The following LOC400499 variants were observed in gnomAD, a reference collection of about 807,000 sequenced individuals.
chr16:11,417,982 G>A, the LOC400499 span: 6 of 396,986 alleles, frequency 1.5e-5, no homozygotes, highest in Admixed American at 4.4e-5. Context: ...CCTCTTGAAG[G>A]AGCAGGTTTG....
the LOC400499 span, among the ~76,000 whole-genome samples, chr16:11,509,583 C>T: frequency 6.6e-6 from 1 of 151,706 alleles, no homozygotes; most frequent in Non-Finnish European, 1.5e-5. Context: ...GTAATCCCAG[C>T]ACTTTGGGAG....
the LOC400499 span, chr16:11,450,577 C>T: frequency 7.8e-6 from 12 of 1,530,196 alleles, no homozygotes; most frequent in Middle Eastern, 3.7e-4. Flanking sequence ...GGCAGGGGAC[C>T]AGACATATAT....
the LOC400499 span, chr16:11,396,820 C>G: frequency 1.6e-6 from 1 of 628,100 alleles, no homozygotes; most frequent in Non-Finnish European, 2.3e-6. Flanking sequence ...CTAAGAAACG[C>G]AAATCAGATG....
At chr16:11,460,760 G>T in the LOC400499 span, 28 of 1,296,238 alleles carry the variant, frequency 2.2e-5, no homozygotes, top group Admixed American at 2.8e-5. Flanking sequence ...CTGTCGATGG[G>T]GAGGTGTTAA....
chr16:11,432,568 C>G, the LOC400499 span, among the ~76,000 whole-genome samples: 1 of 152,058 alleles, frequency 6.6e-6, no homozygotes, highest in Non-Finnish European at 1.5e-5. Flanking sequence ...GTTCCTACTC[C>G]AGGGTCATAA....
chr16:11,477,272 G>A, the LOC400499 span, among the ~76,000 whole-genome samples: 1 of 152,216 alleles, frequency 6.6e-6, no homozygotes, highest in Non-Finnish European at 1.5e-5. Context: ...ACCCAGCCTA[G>A]GGCATCTGCA....
At chr16:11,450,141 C>G in the LOC400499 span, among the ~76,000 whole-genome samples, 3 of 152,242 alleles carry the variant, frequency 2.0e-5, no homozygotes, top group Admixed American at 6.5e-5. Flanking sequence ...ATCACCCAGA[C>G]AGTCCACCCA....
chr16:11,519,147 G>A, the LOC400499 span, among the ~76,000 whole-genome samples: 1 of 152,174 alleles, frequency 6.6e-6, no homozygotes, highest in East Asian at 1.9e-4. Context: ...AAGGCCGAAT[G>A]TCTCACTGAA....
At chr16:11,424,398 C>T in the LOC400499 span, 6 of 399,094 alleles carry the variant, frequency 1.5e-5, no homozygotes, top group Admixed American at 8.8e-5. Flanking sequence ...GACCACTCAC[C>T]CCAGTCCACC....
At chr16:11,412,370 G>A in the LOC400499 span, among the ~76,000 whole-genome samples, 1 of 152,192 alleles carries the variant, frequency 6.6e-6, no homozygotes, top group Admixed American at 6.5e-5. Context: ...GTAGCAACCA[G>A]AAATTCCCCA....
the LOC400499 span, among the ~76,000 whole-genome samples, chr16:11,500,525 A>ATAATAT: frequency 1.3e-5 from 2 of 150,396 alleles, no homozygotes; most frequent in African/African-American, 4.9e-5. Context: ...AATAATAATA[A>ATAATAT]TAATAATAAT....
chr16:11,417,952 G>A, the LOC400499 span: 1 of 397,578 alleles, frequency 2.5e-6, no homozygotes, highest in Non-Finnish European at 4.4e-6. Flanking sequence ...CCACGTCGCT[G>A]TGATGGGAGG....
chr16:11,473,178 AAATC>A, the LOC400499 span: 1 of 151,688 alleles, frequency 6.6e-6, no homozygotes, highest in African/African-American at 2.4e-5. Context: ...ATTAGAAAGA[AAATC>A]AGAAAGCTCA....
At chr16:11,480,964 G>C in the LOC400499 span, among the ~76,000 whole-genome samples, 10 of 152,248 alleles carry the variant, frequency 6.6e-5, no homozygotes, top group Non-Finnish European at 1.3e-4. Context: ...GTCCATCAGT[G>C]AATGAATGGA....
chr16:11,495,490 C>A, the LOC400499 span, among the ~76,000 whole-genome samples: 1 of 152,138 alleles, frequency 6.6e-6, no homozygotes, highest in African/African-American at 2.4e-5. Flanking sequence ...ATGTGATTCC[C>A]CTGCCTCAGC....
At chr16:11,527,528 G>A in the LOC400499 span, among the ~76,000 whole-genome samples, 2 of 152,126 alleles carry the variant, frequency 1.3e-5, no homozygotes, top group Non-Finnish European at 2.9e-5. Context: ...CTTTTTAATT[G>A]CAGTATAATT....
At chr16:11,523,665 C>A in the LOC400499 span, 3 of 385,670 alleles carry the variant, frequency 7.8e-6, no homozygotes, top group African/African-American at 2.1e-5. Flanking sequence ...ACCCTTTGTC[C>A]AATTTGCTCT....
At chr16:11,511,994 C>A in the LOC400499 span, among the ~76,000 whole-genome samples, 2 of 151,460 alleles carry the variant, frequency 1.3e-5, no homozygotes, top group Admixed American at 6.6e-5. Flanking sequence ...CCAAGACTGT[C>A]TCTTAAGTTG....
the LOC400499 span, among the ~76,000 whole-genome samples, chr16:11,496,665 G>A: frequency 6.6e-6 from 1 of 152,110 alleles, no homozygotes; most frequent in Non-Finnish European, 1.5e-5. Context: ...CATGCGTCCA[G>A]GTGCGTGTGT....
Sources: gnomAD v4.1 joint callset for allele counts (sites outside exome capture counted in the v4.1 genomes callset) on GRCh38, gnomAD v4.1.1 for gene constraint, MANE v1.5 for transcripts.